UBE2E2: variants seen among roughly 807,000 people sequenced by gnomAD.
The protein encoded by UBE2E2 is ubiquitin-conjugating enzyme E2 E2.
Under a neutral mutation model 24.7 loss-of-function variants are expected in UBE2E2, and 6 were observed. The observed-to-expected ratio is 0.24, with a 90% confidence interval of 0.13 to 0.48. The LOEUF (loss-of-function observed/expected upper bound fraction) is 0.48, where lower values mean the gene tolerates loss of function less well. Among genes scored for constraint, UBE2E2 ranks in the 20% least tolerant of loss-of-function variants. UBE2E2 has a pLI of 0.99. For missense variants in UBE2E2, 169 were observed against 245.0 expected, an observed-to-expected ratio of 0.69 and a Z score of 2.07; for synonymous variants, 104 against 83.6, an observed-to-expected ratio of 1.24 and a Z score of -1.33.
At chr3:23,525,246 A>G (rs1694967416) in intron 4 of UBE2E2, among the ~76,000 whole-genome samples, 1 of 152,076 alleles carries the variant, frequency 6.6e-6, no homozygotes, top group South Asian at 2.1e-4. Flanking sequence ...TTCTCCGCCT[A>G]ATCACAAGGC....
intron 2 of UBE2E2, among the ~76,000 whole-genome samples, chr3:23,216,022 T>C (rs1696466732): frequency 6.6e-6 from 1 of 152,184 alleles, no homozygotes; most frequent in Admixed American, 6.6e-5. Context: ...GAGTTTGTTC[T>C]AGTTAACTTC....
rs11399749 is a variant in UBE2E2, at chr3:23,418,956, C to CTT, written c.228-80638_228-80637dup. Among the ~76,000 whole-genome samples, 762 of 141,370 alleles carry CTT rather than the reference C, an allele frequency of 5.4e-3. 8 individuals carry two copies. The highest frequency in any genetic ancestry group is 0.012 in the African/African-American group (453 of 38,126). 92.7% of individuals were successfully genotyped at this position (141,370 alleles called of 152,430 possible). A position where few individuals can be genotyped will look rare whatever the true frequency, so the allele number is the denominator to read the frequency against. ...TCTGATTTTTCTTTCACAAATGTTA[C>CTT]TTTTTTTTTTTTTTTGAGTCAGGGT... On this transcript the variant is annotated intron_variant, in intron 3 of 5. Transcript: ENST00000396703.
intron 3 of UBE2E2, among the ~76,000 whole-genome samples, chr3:23,369,948 A>G (rs1696361222): frequency 6.6e-6 from 1 of 152,278 alleles, no homozygotes; most frequent in African/African-American, 2.4e-5. Flanking sequence ...GTTGTCAGAA[A>G]TCTTTATTTT....
intron 3 of UBE2E2, among the ~76,000 whole-genome samples, chr3:23,332,677 GTGTGTGT>G (rs1559350733): frequency 0.045 from 1,201 of 26,748 alleles, 24 homozygotes; most frequent in African/African-American, 0.07. Context: ...CCAGTGGGGT[GTGTGTGT>G]GTGTGTGTGT....
At chr3:23,391,572 TTAAAA>T (rs2125361356) in intron 3 of UBE2E2, among the ~76,000 whole-genome samples, 1 of 152,336 alleles carries the variant, frequency 6.6e-6, no homozygotes, top group South Asian at 2.1e-4. Context: ...AGTTGACTCA[TTAAAA>T]TAAACTAAAT....
chr3:23,589,699 G>T lies in UBE2E2; in HGVS notation c.509-35G>T. On this transcript the variant is annotated intron_variant, in intron 5 of 5. Coordinates refer to ENST00000396703, the MANE Select transcript of UBE2E2 (RefSeq NM_152653.4). The surrounding 1 kb of genome is among the most constrained non-coding windows in gnomAD (Gnocchi z 4.1). The stretch of plus-strand genomic sequence containing the variant: ...GAACACTTCTTCCCCCACAGTGCTG[G>T]TATTTACTGACTCCCAACTCTGCTT... 6.2e-7 allele frequency: 1 copy of T among 1,608,400 alleles called. No homozygotes were observed. The highest frequency in any genetic ancestry group is 1.7e-5 in the Admixed American group (1 of 59,988).
intron 3 of UBE2E2, among the ~76,000 whole-genome samples, chr3:23,306,238 A>G (rs1699232673): frequency 6.6e-6 from 1 of 152,222 alleles, no homozygotes; most frequent in African/African-American, 2.4e-5. Flanking sequence ...CTGTTATTTG[A>G]GGAAGTCATT....
chr3:23,321,140 G>A (rs1037397700), intron 3 of UBE2E2, among the ~76,000 whole-genome samples: 2 of 152,178 alleles, frequency 1.3e-5, no homozygotes, highest in Non-Finnish European at 2.9e-5. Flanking sequence ...GTCTTTACAT[G>A]GTGTTCGCCC....
chr3:23,293,182 A>T (rs1698814791), intron 3 of UBE2E2, among the ~76,000 whole-genome samples: 1 of 152,230 alleles, frequency 6.6e-6, no homozygotes, highest in Non-Finnish European at 1.5e-5. Context: ...CATCAATATC[A>T]TCCTAACGTT....
intron 3 of UBE2E2, among the ~76,000 whole-genome samples, chr3:23,384,788 A>C (rs1696764305): frequency 6.6e-6 from 1 of 151,984 alleles, no homozygotes; most frequent in Non-Finnish European, 1.5e-5. Flanking sequence ...TGATCCGCCC[A>C]CCTCGGCGTC....
chr3:23,402,711 T>C (rs1363503328), intron 3 of UBE2E2, among the ~76,000 whole-genome samples: 1 of 152,156 alleles, frequency 6.6e-6, no homozygotes, highest in African/African-American at 2.4e-5. Context: ...ACTCTAGTTA[T>C]ATGTTTTAAA....
intron 3 of UBE2E2, among the ~76,000 whole-genome samples, chr3:23,237,067 C>G (rs756988518): frequency 2.0e-5 from 3 of 152,116 alleles, no homozygotes; most frequent in Non-Finnish European, 4.4e-5. Flanking sequence ...TATACATAGC[C>G]TCTTGGTTAG....
chr3:23,530,133 T>G (rs1392807869), intron 4 of UBE2E2, among the ~76,000 whole-genome samples: 1 of 152,254 alleles, frequency 6.6e-6, no homozygotes, highest in African/African-American at 2.4e-5. Flanking sequence ...ATGGTCTTAA[T>G]AATGTCAATT....
intron 4 of UBE2E2, among the ~76,000 whole-genome samples, chr3:23,517,168 T>G (rs535039820): frequency 4.6e-5 from 7 of 152,278 alleles, no homozygotes; most frequent in African/African-American, 1.4e-4. Context: ...TTGAACTGTT[T>G]ATTTGAAGTA....
chr3:23,447,286 T>C (rs1698454835), intron 3 of UBE2E2, among the ~76,000 whole-genome samples: 1 of 152,170 alleles, frequency 6.6e-6, no homozygotes, highest in Non-Finnish European at 1.5e-5. Flanking sequence ...GAATGAATAG[T>C]TAGATGGGTG....
chr3:23,474,878 A>C lies in UBE2E2; in HGVS notation c.228-24730A>C, dbSNP rs750465071. On this transcript the variant is annotated intron_variant, in intron 3 of 5. Transcript: ENST00000396703. The surrounding 1 kb of genome is among the most constrained non-coding windows in gnomAD (Gnocchi z 4.0). ...TTCCTCTCTAGCTTTTCACATCCAG[A>C]CTTCTAGAAACAGAAACACATTGTC... 6.6e-6 allele frequency among the ~76,000 whole-genome samples: 1 copy of C among 151,914 alleles called. No homozygotes were observed. The highest frequency in any genetic ancestry group is 2.4e-5 in the African/African-American group (1 of 41,238).
At chr3:23,565,693 T>A (rs947278007) in intron 5 of UBE2E2, among the ~76,000 whole-genome samples, 2 of 152,094 alleles carry the variant, frequency 1.3e-5, no homozygotes, top group Non-Finnish European at 2.9e-5. Context: ...AGTTTAAAAT[T>A]CTGATTAGGA....
chr3:23,368,862 G>A (rs1229487061), intron 3 of UBE2E2, among the ~76,000 whole-genome samples: 1 of 152,182 alleles, frequency 6.6e-6, no homozygotes, highest in East Asian at 1.9e-4. Flanking sequence ...TTTTCAAAGA[G>A]AATGGTGTAC....
intron 3 of UBE2E2, among the ~76,000 whole-genome samples, chr3:23,342,505 CTA>C (rs1481959909): frequency 1.3e-5 from 2 of 152,158 alleles, no homozygotes; most frequent in Non-Finnish European, 2.9e-5. Context: ...ACTTTAGTCT[CTA>C]TGAGATTGTG....
Sources: allele counts gnomAD v4.1 joint callset (sites outside exome capture counted in the v4.1 genomes callset), GRCh38; gene constraint gnomAD v4.1.1; non-coding constraint Gnocchi (gnomAD v3.1); transcripts MANE v1.5; gene names NCBI Gene and HGNC (gene_info 2026-07-23, HGNC 2026-07-21).